FAM110B: variants seen among roughly 807,000 people sequenced by gnomAD.
The protein encoded by FAM110B is family with sequence similarity 110 member B, also known as protein FAM110B.
A neutral mutation model predicts 20.4 loss-of-function variants in FAM110B; 6 were observed. The ratio of observed to expected loss-of-function variants is 0.29; its 90% confidence interval spans 0.16 to 0.58. The LOEUF (loss-of-function observed/expected upper bound fraction) is 0.58. Ranked by LOEUF, FAM110B falls within the 20% of genes least tolerant of loss-of-function variation. The pLI is 0.90. For missense variants in FAM110B, 434 were observed against 498.2 expected (o/e 0.87, Z 1.23); for synonymous variants, 226 against 214.1 (o/e 1.06, Z -0.49).
chr8:58,048,915 A>G (rs1436878491), intron 2 of FAM110B, among the ~76,000 whole-genome samples: 1 of 152,236 alleles, frequency 6.6e-6, no homozygotes, highest in Non-Finnish European at 1.5e-5. Context: ...ATAAATGCCA[A>G]ATAAGAAATG....
At chr8:58,057,024 C>T (rs1010352489) in intron 2 of FAM110B, among the ~76,000 whole-genome samples, 16 of 152,178 alleles carry the variant, frequency 1.1e-4, no homozygotes, top group South Asian at 2.1e-4. Context: ...TAATGAGGGC[C>T]TCATAAATGA....
At position 58,043,479 on chromosome 8, in the gene FAM110B, T is replaced by TA. The variant is rs1168526816; in HGVS notation, c.-414+11776_-414+11777insA. Among the ~76,000 whole-genome samples the TA allele has an allele frequency of 4.0e-5, 6 of 151,592 alleles. No homozygotes were observed. The East Asian group carries it at 1.2e-3, about 29-fold the overall frequency. ...ATTTTTATAACTTTTTTTATATATA[T>TA]TTTTTATTATTATACTTTAAGTTCT... On this transcript the variant is annotated intron_variant, in intron 2 of 3. Coordinates refer to ENST00000519262, the MANE Select transcript of FAM110B (RefSeq NM_001377989.1).
chr8:58,042,439 T>C (rs1279875161), intron 2 of FAM110B, among the ~76,000 whole-genome samples: 6 of 152,230 alleles, frequency 3.9e-5, no homozygotes, highest in Non-Finnish European at 1.5e-5. Context: ...TTACACAACC[T>C]ATCTATTCCT....
At chr8:58,134,846 A>G (rs1019951395) in intron 3 of FAM110B, among the ~76,000 whole-genome samples, 1 of 152,214 alleles carries the variant, frequency 6.6e-6, no homozygotes, top group Non-Finnish European at 1.5e-5. Flanking sequence ...CATTTAAGCT[A>G]TTAACAAGTA....
chr8:58,046,586 G>T (rs1805323557), intron 2 of FAM110B, among the ~76,000 whole-genome samples: 1 of 152,214 alleles, frequency 6.6e-6, no homozygotes, highest in South Asian at 2.1e-4. Context: ...ACCTTAGTTA[G>T]ATGTACATAG....
chr8:58,076,287 T>G (rs1360989223), intron 3 of FAM110B, among the ~76,000 whole-genome samples: 1 of 152,050 alleles, frequency 6.6e-6, no homozygotes, highest in Non-Finnish European at 1.5e-5. Context: ...GCTCGGGGAA[T>G]GAGATGGTGG....
chr8:58,097,860 C>A (rs939522496), intron 3 of FAM110B, among the ~76,000 whole-genome samples: 2 of 152,208 alleles, frequency 1.3e-5, no homozygotes, highest in African/African-American at 4.8e-5. Context: ...CCACTCCAGA[C>A]CCTGTTTGCA....
chr8:58,112,923 GT>G (rs1188944765), intron 3 of FAM110B, among the ~76,000 whole-genome samples: 1 of 152,184 alleles, frequency 6.6e-6, no homozygotes, highest in African/African-American at 2.4e-5. Context: ...ATTTCCCACA[GT>G]TCTGGAGGCT....
chr8:58,116,179 A>G (rs35856598), intron 3 of FAM110B, among the ~76,000 whole-genome samples: 17,866 of 152,304 alleles, frequency 0.12, 1,171 homozygotes, highest in Middle Eastern at 0.18. Flanking sequence ...CACCACTGCC[A>G]TCATGGTTCA....
At chr8:58,095,868 G>A (rs1806612133) in intron 3 of FAM110B, among the ~76,000 whole-genome samples, 1 of 152,144 alleles carries the variant, frequency 6.6e-6, no homozygotes, top group African/African-American at 2.4e-5. Context: ...TATTGTGTGG[G>A]AGTCTAAGTC....
intron 2 of FAM110B, among the ~76,000 whole-genome samples, chr8:58,050,761 C>A (rs1179696403): frequency 7.9e-5 from 12 of 152,158 alleles, no homozygotes; most frequent in Non-Finnish European, 1.8e-4. Flanking sequence ...ATCTTGAGGT[C>A]ACTGTGCCAC....
At position 58,094,379 on chromosome 8, in the gene FAM110B, G is replaced by C. The variant is rs1806566894; in HGVS notation, c.-325+18756G>C. On this transcript the variant is annotated intron_variant, in intron 3 of 3. Coordinates refer to ENST00000519262, the MANE Select transcript of FAM110B (RefSeq NM_001377989.1). ...TTGCCCATTCAGTATGATATTGATTGTGGGTTTGTCATAAATAGCTCTTAT... is the reference window on the plus strand; with the variant it reads ...TTGCCCATTCAGTATGATATTGATTCTGGGTTTGTCATAAATAGCTCTTAT... Among the ~76,000 whole-genome samples, 7 of 152,298 alleles carry C rather than the reference G, an allele frequency of 4.6e-5. No homozygotes were observed. In the South Asian group the frequency reaches 1.5e-3, roughly 32 times the overall value.
At chr8:58,011,086 C>G (rs979478194) in intron 1 of FAM110B, among the ~76,000 whole-genome samples, 5 of 152,170 alleles carry the variant, frequency 3.3e-5, no homozygotes, top group African/African-American at 9.7e-5. Flanking sequence ...GTTTTGAACT[C>G]TAGCTAAGAG....
intron 1 of FAM110B, among the ~76,000 whole-genome samples, chr8:58,015,738 A>G (rs953604698): frequency 2.7e-5 from 4 of 150,500 alleles, no homozygotes; most frequent in African/African-American, 9.8e-5. Context: ...TCAGCTACTC[A>G]GGAGGCTGAG....
intron 3 of FAM110B, among the ~76,000 whole-genome samples, chr8:58,141,383 G>C (rs139958484): frequency 1.0e-3 from 159 of 152,288 alleles, no homozygotes; most frequent in African/African-American, 3.2e-3. Flanking sequence ...ACATTTTTCA[G>C]CTCACCAGAT....
At chr8:58,050,369 A>G (rs1805414951) in intron 2 of FAM110B, among the ~76,000 whole-genome samples, 1 of 152,148 alleles carries the variant, frequency 6.6e-6, no homozygotes, top group Admixed American at 6.5e-5. Flanking sequence ...GACAGTACCC[A>G]TTTCTTAGCT....
intron 2 of FAM110B, among the ~76,000 whole-genome samples, chr8:58,066,983 A>G (rs1420472518): frequency 2.6e-5 from 4 of 152,128 alleles, no homozygotes; most frequent in Non-Finnish European, 5.9e-5. Flanking sequence ...GCTCTCCAGG[A>G]CCCTTCTCCT....
chr8:58,137,821 G>A (rs1803654866), intron 3 of FAM110B, among the ~76,000 whole-genome samples: 1 of 152,166 alleles, frequency 6.6e-6, no homozygotes, highest in South Asian at 2.1e-4. Context: ...ATCTCAGACA[G>A]GACCTGTAGC....
chr8:58,040,281 A>G (rs1424843330), intron 2 of FAM110B, among the ~76,000 whole-genome samples: 1 of 152,100 alleles, frequency 6.6e-6, no homozygotes, highest in African/African-American at 2.4e-5. Flanking sequence ...GTGATAGTTT[A>G]TTTATTGAAC....
Sources: gnomAD v4.1 joint callset for allele counts (sites outside exome capture counted in the v4.1 genomes callset) on GRCh38, gnomAD v4.1.1 for gene constraint, MANE v1.5 for transcripts, NCBI Gene and HGNC (gene_info 2026-07-23, HGNC 2026-07-21) for gene names.